Variants in NWD2 observed in about 807,000 individuals in gnomAD.
NWD2 encodes NACHT and WD repeat domain containing 2.
NWD2 carries 37 observed loss-of-function variants against 132.7 expected under a neutral mutation model. The ratio of observed to expected loss-of-function variants is 0.28; its 90% CI spans 0.21 to 0.37. NWD2 has a LOEUF of 0.37. Among genes scored for constraint, NWD2 ranks in the 10% least tolerant of loss-of-function variants. The pLI is 1.00. For synonymous variants in NWD2, 705 were observed against 803.0 expected, an observed-to-expected ratio of 0.88 and a Z score of 2.06; for missense variants, 1,592 against 2,122.4, an observed-to-expected ratio of 0.75 and a Z score of 4.91.
rs1012986242 is a variant in NWD2 at position 37,418,795 on chromosome 4, G to A, written c.358-11777G>A. On this transcript the variant is annotated intron_variant, in intron 3 of 6. Coordinates refer to ENST00000309447, the MANE Select transcript of NWD2 (RefSeq NM_001144990.2). The stretch of plus-strand genomic sequence containing the variant: ...ACATTCTCACCAACAGTGTAAAAGC[G>A]TTCCTATTTCTCCACATCCTCTCCA... 5.9e-5 allele frequency among the ~76,000 whole-genome samples: 9 copies of A among 152,152 alleles called. No individual in the cohort carries two copies. The South Asian group carries it at 8.3e-4, about 14-fold the overall frequency.
chr4:37,352,878 G>A (rs1719798272), intron 2 of NWD2, among the ~76,000 whole-genome samples: 3 of 152,172 alleles, frequency 2.0e-5, no homozygotes, highest in African/African-American at 7.2e-5. Context: ...TGTTATGTGT[G>A]AATTTCATCC....
chr4:37,434,669 ATC>A (rs1406533458), intron 5 of NWD2, among the ~76,000 whole-genome samples: 3 of 152,180 alleles, frequency 2.0e-5, no homozygotes, highest in Non-Finnish European at 2.9e-5. Context: ...TGCCATATGC[ATC>A]TAAGGTAGAG....
At chr4:37,414,120 T>TA (rs1027261537) in intron 3 of NWD2, among the ~76,000 whole-genome samples, 7 of 151,060 alleles carry the variant, frequency 4.6e-5, no homozygotes, top group South Asian at 2.1e-4. Context: ...TAAAGTATAA[T>TA]AAAAAAAAGA....
chr4:37,393,767 G>C (rs1454662680), intron 3 of NWD2, among the ~76,000 whole-genome samples: 1 of 152,140 alleles, frequency 6.6e-6, no homozygotes, highest in Non-Finnish European at 1.5e-5. Flanking sequence ...CAGATTTCCT[G>C]TTAACTTAAC....
At chr4:37,392,560 T>C (rs1720698503) in intron 3 of NWD2, among the ~76,000 whole-genome samples, 1 of 152,152 alleles carries the variant, frequency 6.6e-6, no homozygotes, top group African/African-American at 2.4e-5. Flanking sequence ...AGCAAAATTC[T>C]CCTCCAACCT....
intron 1 of NWD2, among the ~76,000 whole-genome samples, chr4:37,289,981 C>T (rs575425994): frequency 6.6e-6 from 1 of 152,258 alleles, no homozygotes; most frequent in African/African-American, 2.4e-5. Flanking sequence ...TTTTCACATC[C>T]GTCTAACTTT....
At position 37,444,979 on chromosome 4, in the gene NWD2, G is replaced by A; in HGVS notation, c.2991G>A (p.Glu997=). ...GTTCCATCAGCACCTGGGATGTAGA[G>A]ACTCGACAGCTACTCAGGCAAATCA... ...ENGSISTWDV[E]TRQLLRQITT... is the part of the protein sequence containing the mutation. The change falls in exon 7 of 7, where the codon GAG becomes GAA. Residue 997 remains glutamate, a synonymous_variant. Transcript: ENST00000309447. The surrounding 1 kb of genome is among the most constrained non-coding windows in gnomAD (Gnocchi z 4.8). 1 of 1,552,024 alleles carries A rather than the reference G, an allele frequency of 6.4e-7. No homozygotes were observed. Among genetic ancestry groups the A allele is most frequent in the Non-Finnish European group, 8.7e-7 (1 of 1,147,076 alleles).
intron 3 of NWD2, among the ~76,000 whole-genome samples, chr4:37,423,412 C>T (rs1236830393): frequency 1.1e-4 from 16 of 152,078 alleles, no homozygotes; most frequent in Admixed American, 1.0e-3. Flanking sequence ...TTGGCTCGTG[C>T]AACTATGGAG....
At chr4:37,287,485 C>G (rs936363363) in intron 1 of NWD2, among the ~76,000 whole-genome samples, 2 of 152,184 alleles carry the variant, frequency 1.3e-5, no homozygotes, top group Non-Finnish European at 1.5e-5. Flanking sequence ...GGCTTGGTCC[C>G]CAAGAAGTGT....
intron 3 of NWD2, among the ~76,000 whole-genome samples, chr4:37,398,457 G>T (rs953047719): frequency 1.3e-5 from 2 of 152,144 alleles, no homozygotes; most frequent in African/African-American, 2.4e-5. Flanking sequence ...TCGGAGGAGT[G>T]GGGAGAAAGG....
intron 2 of NWD2, among the ~76,000 whole-genome samples, chr4:37,331,562 A>G (rs2109290227): frequency 6.6e-6 from 1 of 152,064 alleles, no homozygotes; most frequent in East Asian, 2.0e-4. Flanking sequence ...CTACTTGAGT[A>G]TTTCTGTACA....
intron 1 of NWD2, among the ~76,000 whole-genome samples, chr4:37,324,599 G>A (rs747671824): frequency 1.3e-5 from 2 of 152,110 alleles, no homozygotes; most frequent in Non-Finnish European, 2.9e-5. Context: ...CATGGGCCCC[G>A]CTTTCATGTA....
At chr4:37,407,091 A>G (rs1180867445) in intron 3 of NWD2, among the ~76,000 whole-genome samples, 1 of 152,134 alleles carries the variant, frequency 6.6e-6, no homozygotes, top group Non-Finnish European at 1.5e-5. Context: ...TAGGGGAAGG[A>G]GGGCATTAGA....
chr4:37,291,020 G>A (rs1718349743), intron 1 of NWD2, among the ~76,000 whole-genome samples: 1 of 152,108 alleles, frequency 6.6e-6, no homozygotes, highest in South Asian at 2.1e-4. Context: ...ACCCCTGAGA[G>A]CAAACCTAAA....
rs1403138845 is a variant in NWD2 at position 37,447,359 on chromosome 4, G to A, written c.*142G>A. ...TGTTTTATTAAGATGTTCATGAAAT[G>A]GACAAATAGGTTAGTCTTGGGTGTG... is the stretch of plus-strand genomic sequence containing the variant. On this transcript the variant is annotated 3_prime_UTR_variant, in exon 7 of 7. Transcript: ENST00000309447. 2 of 668,990 alleles carry A rather than the reference G, an allele frequency of 3.0e-6. No homozygotes were observed. The highest frequency in any genetic ancestry group is 5.0e-6 in the Non-Finnish European group (2 of 399,484). The allele number at this position is 668,990 out of a possible 1,614,324, so 41.4% of individuals were successfully genotyped here. A position where few individuals can be genotyped will look rare whatever the true frequency, so the allele number is the denominator to read the frequency against.
chr4:37,358,720 A>C (rs573566639), intron 3 of NWD2, among the ~76,000 whole-genome samples: 1 of 152,324 alleles, frequency 6.6e-6, no homozygotes, highest in Non-Finnish European at 1.5e-5. Context: ...AATTACAGGC[A>C]GTTTTATAGT....
intron 3 of NWD2, among the ~76,000 whole-genome samples, chr4:37,409,375 A>G (rs937753329): frequency 4.0e-5 from 6 of 151,862 alleles, no homozygotes; most frequent in East Asian, 2.0e-4. Context: ...ACAAGTATCA[A>G]TAGCTGAATC....
chr4:37,388,334 C>T (rs1049367690), intron 3 of NWD2, among the ~76,000 whole-genome samples: 3 of 151,990 alleles, frequency 2.0e-5, no homozygotes, highest in Admixed American at 2.0e-4. Context: ...CAGGCATAAG[C>T]CACCATGCCT....
chr4:37,276,996 A>T (rs1416482645), intron 1 of NWD2, among the ~76,000 whole-genome samples: 2 of 151,478 alleles, frequency 1.3e-5, no homozygotes, highest in Non-Finnish European at 1.5e-5. Context: ...GGGTTGGGGG[A>T]TGGGGGAGGG....
Sources: gnomAD v4.1 joint callset for allele counts (sites outside exome capture counted in the v4.1 genomes callset) on GRCh38, gnomAD v4.1.1 for gene constraint, Gnocchi (gnomAD v3.1) non-coding constraint, MANE v1.5 for transcripts, NCBI Gene and HGNC (gene_info 2026-07-23, HGNC 2026-07-21) for gene names.